The following ATP2B1 variants were observed in gnomAD, a reference collection of about 807,000 sequenced individuals.
ATP2B1 encodes plasma membrane calcium-transporting ATPase 1.
ATP2B1 carries 14 observed loss-of-function variants against 124.2 expected under a neutral mutation model. That is an observed-to-expected ratio of 0.11 (90% CI 0.07 to 0.18). The LOEUF (loss-of-function observed/expected upper bound fraction) is 0.18, where lower values mean the gene tolerates loss of function less well. ATP2B1 is among the 10% of genes least tolerant of loss of function. The probability of loss-of-function intolerance (pLI) is 1.00; values close to 1 mark genes in which losing one functional copy is unlikely to be tolerated. For missense variants in ATP2B1, 763 were observed against 1,466.1 expected (o/e 0.52, Z 7.83); for synonymous variants, 449 against 492.4 (o/e 0.91, Z 1.17).
At chr12:89,617,313 TTTC>T (rs1879129069) in intron 11 of ATP2B1, among the ~76,000 whole-genome samples, 4 of 152,214 alleles carry the variant, frequency 2.6e-5, no homozygotes, top group Admixed American at 1.3e-4. Flanking sequence ...GCTTTCAAAC[TTTC>T]ATAAAGAATC....
intron 3 of ATP2B1, among the ~76,000 whole-genome samples, chr12:89,636,623 G>A (rs1019109350): frequency 6.6e-6 from 1 of 152,142 alleles, no homozygotes; most frequent in African/African-American, 2.4e-5. Flanking sequence ...AGCATGGTGA[G>A]TACAGACTGA....
intron 11 of ATP2B1, among the ~76,000 whole-genome samples, chr12:89,618,775 C>T (rs1304379029): frequency 1.3e-5 from 2 of 152,118 alleles, no homozygotes; most frequent in African/African-American, 4.8e-5. Context: ...ATCTCTCACC[C>T]AAAAACTTTG....
intron 1 of ATP2B1, among the ~76,000 whole-genome samples, chr12:89,678,759 T>C (rs1450736330): frequency 6.6e-6 from 1 of 152,172 alleles, no homozygotes; most frequent in Non-Finnish European, 1.5e-5. Context: ...TTGACATAAA[T>C]TTTTAAAATT....
At chr12:89,611,563 T>G in intron 12 of ATP2B1, 191 bp from the exon 13 acceptor site, 1 of 463,840 alleles carries the variant, frequency 2.2e-6, no homozygotes, top group Non-Finnish European at 3.5e-6. Flanking sequence ...TCTTTCCAAT[T>G]CCACTGCCAG....
intron 11 of ATP2B1, 150 bp from the exon 12 acceptor site, chr12:89,617,189 C>G: frequency 1.5e-6 from 1 of 649,132 alleles, no homozygotes; most frequent in South Asian, 2.0e-5. Flanking sequence ...CTTAAATTCA[C>G]TTTTCACCCT....
intron 20 of ATP2B1, among the ~76,000 whole-genome samples, chr12:89,592,085 C>T (rs1288639969): frequency 6.6e-6 from 1 of 152,058 alleles, no homozygotes; most frequent in African/African-American, 2.4e-5. Context: ...ATTTTCACCC[C>T]TAAGCAGATA....
chr12:89,686,859 G>A (rs1309850472), intron 1 of ATP2B1, among the ~76,000 whole-genome samples: 1 of 151,944 alleles, frequency 6.6e-6, no homozygotes, highest in Non-Finnish European at 1.5e-5. Context: ...AGAAAACTGA[G>A]TATTAGTCCA....
chr12:89,634,709 G>C (rs1009171546), intron 5 of ATP2B1, 69 bp downstream of exon 5: 1 of 1,411,852 alleles, frequency 7.1e-7, no homozygotes, highest in African/African-American at 1.4e-5. Flanking sequence ...TTAGGAAAAT[G>C]GTGTTTGCTG....
rs1291007805 is a variant in ATP2B1, at chr12:89,610,508, T to C, written c.2248A>G (p.Ile750Val). 1 of 1,612,462 alleles carries C rather than the reference T, an allele frequency of 6.2e-7. No individual in the cohort carries two copies. Among genetic ancestry groups the C allele is most frequent in the Middle Eastern group, 1.7e-4 (1 of 6,046 alleles). The change falls in exon 14 of 21, where the codon ATT becomes GTT. Residue 750 changes from isoleucine to valine, a missense_variant and splice_region_variant. By Grantham distance (29) the Ile-to-Val change is conservative. Transcript: ENST00000428670. ...ATCTTGTCTATCCTCTCTTGCTCAA[T>C]CTATAAGTGTTTATCAAAGTTAAAA... ...NRRIRNEKGEIEQERIDKIWP... is the reference protein window; with the variant it reads ...NRRIRNEKGEVEQERIDKIWP...
At chr12:89,649,917 C>T (rs1180598565) in intron 2 of ATP2B1, among the ~76,000 whole-genome samples, 2 of 152,088 alleles carry the variant, frequency 1.3e-5, no homozygotes, top group Non-Finnish European at 2.9e-5. Context: ...TCTGGGACCT[C>T]CCCCTTGTTT....
intron 15 of ATP2B1, among the ~76,000 whole-genome samples, chr12:89,609,031 A>G (rs1276558848): frequency 6.6e-6 from 1 of 152,202 alleles, no homozygotes; most frequent in African/African-American, 2.4e-5. Flanking sequence ...ACCATGGTAG[A>G]TCTTCTAAAT....
Position 89,655,998 on chromosome 12 carries a change from ACT to A in ATP2B1, c.-114_-113del. The A allele has an allele frequency of 1.8e-6, 2 of 1,106,870 alleles. No homozygotes were observed. The highest frequency in any genetic ancestry group is 2.5e-6 in the Non-Finnish European group (2 of 793,304). 68.6% of individuals were successfully genotyped at this position (1,106,870 alleles called of 1,614,324 possible). On this transcript the variant is annotated 5_prime_UTR_variant, in exon 2 of 21. An upstream open reading frame in the 5' UTR loses its in-frame stop. Coordinates refer to ENST00000428670, the MANE Select transcript of ATP2B1 (RefSeq NM_001366521.1). ...TATGAAAATCTTTCTTAAACCAAAC[ACT>A]CATTGTATGACTTTGTAAAGCAGCA...
chr12:89,681,291 GAAATA>G (rs1384960469), intron 1 of ATP2B1, among the ~76,000 whole-genome samples: 1 of 151,378 alleles, frequency 6.6e-6, no homozygotes, highest in Non-Finnish European at 1.5e-5. Flanking sequence ...AAACCTAAAT[GAAATA>G]ATTTCTTAAG....
intron 15 of ATP2B1, among the ~76,000 whole-genome samples, chr12:89,605,693 G>T (rs1179314860): frequency 6.6e-6 from 1 of 151,972 alleles, no homozygotes; most frequent in Non-Finnish European, 1.5e-5. Flanking sequence ...CCAGATAAGG[G>T]AATAAACCAA....
chr12:89,628,284 C>T (rs1158375153), intron 6 of ATP2B1, among the ~76,000 whole-genome samples: 1 of 151,912 alleles, frequency 6.6e-6, no homozygotes, highest in African/African-American at 2.4e-5. Flanking sequence ...CACCTGTAGT[C>T]CCAGCTAGTC....
intron 1 of ATP2B1, among the ~76,000 whole-genome samples, chr12:89,680,275 AAATTAAATT>A (rs1371698780): frequency 2.6e-5 from 4 of 152,194 alleles, no homozygotes; most frequent in Non-Finnish European, 5.9e-5. Context: ...GCAATACTTC[AAATTAAATT>A]AAATACTCAA....
chr12:89,592,387 C>A (rs76204883), intron 20 of ATP2B1, among the ~76,000 whole-genome samples: 1 of 151,924 alleles, frequency 6.6e-6, no homozygotes, highest in African/African-American at 2.4e-5. Context: ...AAAAAAGATG[C>A]GGTCACCAAA....
intron 2 of ATP2B1, among the ~76,000 whole-genome samples, chr12:89,653,898 T>C (rs952279317): frequency 8.5e-5 from 13 of 152,158 alleles, no homozygotes; most frequent in South Asian, 2.1e-4. Flanking sequence ...CTTTGATTAA[T>C]AGAGAAATGC....
At chr12:89,608,240 C>T (rs1294331934) in intron 15 of ATP2B1, among the ~76,000 whole-genome samples, 1 of 152,178 alleles carries the variant, frequency 6.6e-6, no homozygotes, top group Non-Finnish European at 1.5e-5. Flanking sequence ...GCCATCTTGG[C>T]TCACTGCAGC....
Sources: allele counts gnomAD v4.1 joint callset (sites outside exome capture counted in the v4.1 genomes callset), GRCh38; gene constraint gnomAD v4.1.1; transcripts MANE v1.5; gene names NCBI Gene and HGNC (gene_info 2026-07-23, HGNC 2026-07-21).